The following MYH10 variants were observed in gnomAD, a reference collection of about 807,000 sequenced individuals.
MYH10 encodes myosin heavy chain 10.
Under a neutral mutation model 257.8 loss-of-function variants are expected in MYH10, and 55 were observed. The ratio of observed to expected loss-of-function variants is 0.21; its 90% confidence interval spans 0.17 to 0.27. The LOEUF is 0.27. MYH10 is among the 10% of genes least tolerant of loss of function. MYH10 has a pLI of 1.00. For missense variants in MYH10, 1,631 were observed against 2,500.6 expected (o/e 0.65, Z 7.42); for synonymous variants, 854 against 921.7 (o/e 0.93, Z 1.33).
chr17:8,581,794 A>C (rs1374702229), intron 4 of MYH10, among the ~76,000 whole-genome samples: 1 of 152,234 alleles, frequency 6.6e-6, no homozygotes, highest in Admixed American at 6.5e-5. Context: ...CATCCACTAT[A>C]CATGAGGTGA....
chr17:8,533,579 GGCACTTAGTAGGT>G (rs565448128), intron 16 of MYH10, among the ~76,000 whole-genome samples: 30 of 152,254 alleles, frequency 2.0e-4, no homozygotes, highest in Admixed American at 1.8e-3. Context: ...AACACTGTGT[GGCACTTAGTAGGT>G]GCTCAGGAGA....
At chr17:8,627,984 A>AC (rs2085746782) in intron 1 of MYH10, among the ~76,000 whole-genome samples, 1 of 152,244 alleles carries the variant, frequency 6.6e-6, no homozygotes, top group Non-Finnish European at 1.5e-5. Flanking sequence ...AGTACACACT[A>AC]CAATGATGGA....
chr17:8,609,760 A>T (rs1373730813), intron 2 of MYH10, among the ~76,000 whole-genome samples: 1 of 152,170 alleles, frequency 6.6e-6, no homozygotes, highest in South Asian at 2.1e-4. Context: ...TTAAAGAAAA[A>T]TAGAACAATG....
chr17:8,562,788 T>G (rs2083040495), intron 7 of MYH10, among the ~76,000 whole-genome samples: 1 of 152,210 alleles, frequency 6.6e-6, no homozygotes, highest in African/African-American at 2.4e-5. Flanking sequence ...TATAATCAAA[T>G]ATAACTTGTT....
At chr17:8,581,962 C>T (rs1443294421) in intron 4 of MYH10, among the ~76,000 whole-genome samples, 6 of 152,108 alleles carry the variant, frequency 3.9e-5, no homozygotes, top group Admixed American at 3.9e-4. Context: ...AGTTTATATG[C>T]CTTTAAAATG....
At chr17:8,594,068 GT>G (rs1337966694) in intron 3 of MYH10, among the ~76,000 whole-genome samples, 2 of 152,114 alleles carry the variant, frequency 1.3e-5, no homozygotes, top group African/African-American at 4.8e-5. Context: ...AGAAATAGTT[GT>G]TTCAACAAAT....
chr17:8,603,645 G>A (rs2084691714), intron 3 of MYH10, among the ~76,000 whole-genome samples: 1 of 152,112 alleles, frequency 6.6e-6, no homozygotes, highest in Non-Finnish European at 1.5e-5. Flanking sequence ...TGCATCTAAA[G>A]ATCATTCTTC....
chr17:8,487,032 T>C (rs1224814319), intron 36 of MYH10, among the ~76,000 whole-genome samples: 2 of 152,188 alleles, frequency 1.3e-5, no homozygotes, highest in African/African-American at 2.4e-5. Context: ...CTTGCAGAGA[T>C]CACTTCTTGT....
intron 2 of MYH10, among the ~76,000 whole-genome samples, chr17:8,608,804 T>C (rs2084907571): frequency 6.6e-6 from 1 of 151,498 alleles, no homozygotes. Flanking sequence ...TGTCTATGAT[T>C]GGGAAATTTT....
intron 36 of MYH10, among the ~76,000 whole-genome samples, chr17:8,485,802 T>G (rs540985374): frequency 6.6e-6 from 1 of 152,178 alleles, no homozygotes; most frequent in Non-Finnish European, 1.5e-5. Flanking sequence ...AGGTACCATA[T>G]AACCCAGCTC....
intron 9 of MYH10, 28 bp from the exon 10 acceptor site, chr17:8,548,815 T>A (rs778694078): frequency 6.3e-7 from 1 of 1,582,146 alleles, no homozygotes; most frequent in Non-Finnish European, 8.7e-7. Flanking sequence ...GGAAGAAAAT[T>A]TGATAAATAC....
chr17:8,599,923 G>C lies in MYH10; in HGVS notation c.502+4903C>G, dbSNP rs113398141. Among the ~76,000 whole-genome samples, 930 of 152,290 alleles carry C rather than the reference G, an allele frequency of 6.1e-3. 4 individuals carry two copies. The highest frequency in any genetic ancestry group is 0.02 in the Middle Eastern group (6 of 294). On this transcript the variant is annotated intron_variant, in intron 3 of 42. Coordinates refer to ENST00000360416, the MANE Select transcript of MYH10 (RefSeq NM_001256012.3). ...CTAGCTGGGGCAGTTTCTCTGCAGT[G>C]CCTCTGTGGAATGGGAAACAAGCCA...
intron 1 of MYH10, among the ~76,000 whole-genome samples, chr17:8,630,175 CCT>C (rs2085857468): frequency 2.0e-5 from 3 of 151,736 alleles, no homozygotes; most frequent in Non-Finnish European, 2.9e-5. Flanking sequence ...CTTAGAATCC[CCT>C]CTCTTCCTGG....
At chr17:8,551,480 G>A (rs1045896321) in intron 9 of MYH10, among the ~76,000 whole-genome samples, 1 of 152,156 alleles carries the variant, frequency 6.6e-6, no homozygotes, top group Non-Finnish European at 1.5e-5. Flanking sequence ...TTGAGAATCA[G>A]AAGAGATGGG....
chr17:8,561,698 T>C (rs1173961833), intron 7 of MYH10: 2 of 617,458 alleles, frequency 3.2e-6, no homozygotes, highest in Non-Finnish European at 2.8e-6. Flanking sequence ...TAGAGAAATG[T>C]TCCAAAATAA....
chr17:8,492,569 T>C, intron 33 of MYH10, 60 bp from the exon 34 acceptor site: 1 of 1,518,054 alleles, frequency 6.6e-7, no homozygotes, highest in Non-Finnish European at 8.9e-7. Context: ...ACTTTTCTCT[T>C]CCACCATGTG....
Position 8,542,125 on chromosome 17 carries a change from G to A in MYH10, c.1587C>T (p.Ile529=), listed in dbSNP as rs34070772. The A allele has an allele frequency of 4.5e-3, 7,295 of 1,613,956 alleles. 276 individuals carry two copies. The African/African-American group carries it at 0.079, about 17-fold the overall frequency. The change falls in exon 14 of 43, where the codon ATC becomes ATT. Residue 529 remains isoleucine, a synonymous_variant. Transcript: ENST00000360416. ...CTCTTACAGGTCTCTCTATTAGGTCGATGCATGGCTGCAGATCCAGCCCGA... is the reference window on the plus strand; with the variant it reads ...CTCTTACAGGTCTCTCTATTAGGTCAATGCATGGCTGCAGATCCAGCCCGA... The part of the protein sequence containing the change: ...IDFGLDLQPC[I]DLIERPANPP...
At chr17:8,557,576 G>A (rs1306523107) in intron 7 of MYH10, among the ~76,000 whole-genome samples, 3 of 152,140 alleles carry the variant, frequency 2.0e-5, no homozygotes, top group Non-Finnish European at 4.4e-5. Flanking sequence ...AGAAATACTT[G>A]ACGAGCTTGA....
At chr17:8,568,234 T>C (rs1044698639) in intron 7 of MYH10, among the ~76,000 whole-genome samples, 1 of 152,194 alleles carries the variant, frequency 6.6e-6, no homozygotes, top group Non-Finnish European at 1.5e-5. Context: ...AAACCAATCC[T>C]GCCAACACCT....
Sources: gnomAD v4.1 joint callset for allele counts (sites outside exome capture counted in the v4.1 genomes callset) on GRCh38, gnomAD v4.1.1 for gene constraint, MANE v1.5 for transcripts, NCBI Gene and HGNC (gene_info 2026-07-23, HGNC 2026-07-21) for gene names.